The following ZNF540 variants were observed in gnomAD, a reference collection of about 807,000 sequenced individuals.
ZNF540 encodes zinc finger protein 540.
In ZNF540, 3 loss-of-function variants were observed where a neutral mutation model predicts 11.8. That is an observed-to-expected ratio of 0.25 (90% CI 0.12 to 0.65). The LOEUF is 0.65. ZNF540 is among the 30% of genes least tolerant of loss of function. The probability of loss-of-function intolerance (pLI) is 0.83; values close to 1 mark genes in which losing one functional copy is unlikely to be tolerated. For synonymous variants in ZNF540, 247 were observed against 259.0 expected, an observed-to-expected ratio of 0.95 and a Z score of 0.45; for missense variants, 709 against 793.1, an observed-to-expected ratio of 0.89 and a Z score of 1.27.
intron 1 of ZNF540, among the ~76,000 whole-genome samples, chr19:37,587,507 C>T (rs2043716491): frequency 6.6e-6 from 1 of 152,214 alleles, no homozygotes; most frequent in Admixed American, 6.5e-5. Context: ...GTGCGCACAG[C>T]ACGCCCCCTC....
At chr19:37,605,785 G>A (rs916589245) in intron 4 of ZNF540, among the ~76,000 whole-genome samples, 1 of 152,180 alleles carries the variant, frequency 6.6e-6, no homozygotes, top group Non-Finnish European at 1.5e-5. Context: ...ATGTGTAGGT[G>A]TATCTCATTG....
Position 37,594,932 on chromosome 19 carries a change from G to T in ZNF540, c.-236G>T, listed in dbSNP as rs752975234. The T allele has an allele frequency of 6.6e-6, 1 of 152,200 alleles. No homozygotes were observed. The highest frequency in any genetic ancestry group is 1.5e-5 in the Non-Finnish European group (1 of 68,062). 9.4% of individuals were successfully genotyped at this position (152,200 alleles called of 1,614,324 possible). On this transcript the variant is annotated 5_prime_UTR_variant, in exon 1 of 5. Coordinates refer to ENST00000316433, the MANE Select transcript of ZNF540 (RefSeq NM_001172225.3). The stretch of plus-strand genomic sequence containing the variant: ...AACGATCCCTGAGGCTCCCTTGCTC[G>T]AACTGTGGGACTTACCCTACTATGG...
rs758616164 is a variant in ZNF540, at chr19:37,586,674, C to T, written c.-72-11702C>T. On this transcript the variant is annotated intron_variant, in intron 1 of 4. Coordinates refer to the ZNF540 transcript ENST00000592533. ...GAAAGAAACAGCAACTCACGTGGGG[C>T]ATGGTTTTTTAGAACTGATCAATTT... 3.7e-6 allele frequency: 6 copies of T among 1,614,058 alleles called. No homozygotes were observed. The South Asian group carries it at 5.5e-5, about 15-fold the overall frequency.
chr19:37,575,348 G>A (rs747686311), intron 1 of ZNF540: 1 of 152,094 alleles, frequency 6.6e-6, no homozygotes. Context: ...ATTACAAACA[G>A]TGCTTAACCC....
At chr19:37,555,668 G>C (rs945389405) in intron 1 of ZNF540, 1 of 553,416 alleles carries the variant, frequency 1.8e-6, no homozygotes, top group African/African-American at 1.9e-5. Flanking sequence ...CTGGAACATA[G>C]GGTCACCTAG....
rs2044142638 is a variant in ZNF540, at chr19:37,612,759, G to A, written c.1479G>A (p.Lys493=). Residue 493 remains lysine (K), a synonymous_variant, in exon 5 of 5, where the codon AAG becomes AAA. Coordinates refer to ENST00000316433, the MANE Select transcript of ZNF540 (RefSeq NM_001172225.3). The part of the protein sequence containing the change: ...SLHKKIHTDV[K]PYKCVRCGKT... ...ATAAGAAAATTCATACTGATGTGAA[G>A]CCCTACAAATGTGTACGATGTGGGA... 6.2e-7 allele frequency: 1 copy of A among 1,614,002 alleles called. No homozygotes were observed. The highest frequency in any genetic ancestry group is 8.5e-7 in the Non-Finnish European group (1 of 1,179,976).
chr19:37,608,976 G>C (rs1473285118), intron 4 of ZNF540, among the ~76,000 whole-genome samples: 7 of 151,964 alleles, frequency 4.6e-5, no homozygotes, highest in Non-Finnish European at 8.8e-5. Context: ...TTCTTATTTA[G>C]ATTGCCACCC....
intron 1 of ZNF540, among the ~76,000 whole-genome samples, chr19:37,580,329 C>T (rs1442395077): frequency 6.6e-6 from 1 of 152,250 alleles, no homozygotes. Flanking sequence ...CTGCAGTCTT[C>T]ACCATCACAG....
chr19:37,596,071 G>C (rs567027485), intron 1 of ZNF540, among the ~76,000 whole-genome samples: 1 of 152,192 alleles, frequency 6.6e-6, no homozygotes, highest in East Asian at 1.9e-4. Flanking sequence ...CTTCAACTTA[G>C]TCTTCTCCAA....
chr19:37,560,956 A>C (rs1222695631), intron 1 of ZNF540: 3 of 150,108 alleles, frequency 2.0e-5, no homozygotes, highest in African/African-American at 7.4e-5. Context: ...TCATGTCTGT[A>C]ATCGCAGTAC....
chr19:37,601,303 A>G (rs890307071), intron 4 of ZNF540, 198 bp downstream of exon 4: 24 of 457,656 alleles, frequency 5.2e-5, no homozygotes, highest in Non-Finnish European at 7.3e-5. Context: ...CTTGGCTCCT[A>G]CTTACCACCT....
At chr19:37,552,114 A>G (rs2042612275) in intron 1 of ZNF540, among the ~76,000 whole-genome samples, 1 of 152,052 alleles carries the variant, frequency 6.6e-6, no homozygotes. Flanking sequence ...ATATGCTGTT[A>G]TTTTTGACTC....
At chr19:37,599,557 T>G in intron 2 of ZNF540, 69 bp from the exon 3 acceptor site, 1 of 1,596,790 alleles carries the variant, frequency 6.3e-7, no homozygotes, top group Non-Finnish European at 8.6e-7. Context: ...AAACCTTTTA[T>G]CTCCTTTTCT....
At chr19:37,586,788 G>A in intron 1 of ZNF540, 1 of 1,171,664 alleles carries the variant, frequency 8.5e-7, no homozygotes, top group Non-Finnish European at 1.2e-6. Flanking sequence ...TTGGCTCACA[G>A]CCCACAAAAT....
chr19:37,590,422 A>G (rs561619097), upstream of ZNF540, among the ~76,000 whole-genome samples: 109 of 137,846 alleles, frequency 7.9e-4, 1 homozygote, highest in African/African-American at 2.0e-3. Flanking sequence ...GTTTCAAAAA[A>G]AAGAAGAAGA....
chr19:37,601,055 GGAAA>G lies in ZNF540; in HGVS notation c.185_188del (p.Lys62SerfsTer9). 1 of 1,592,972 alleles carries G rather than the reference GGAAA, an allele frequency of 6.3e-7. No homozygotes were observed. The highest frequency in any genetic ancestry group is 8.5e-7 in the Non-Finnish European group (1 of 1,169,754). ...GATGTGATTACCTTACTGGAGCAAG[GGAAA>G]GAGCCCTGCGTGGTGGCGAGGGATG... On this transcript the variant is annotated frameshift_variant, in exon 4 of 5. Coordinates refer to ENST00000316433, the MANE Select transcript of ZNF540 (RefSeq NM_001172225.3). LOFTEE classifies it low-confidence loss of function (END_TRUNC).
At position 37,612,500 on chromosome 19, in the gene ZNF540, G is replaced by A; in HGVS notation, c.1220G>A (p.Gly407Asp). The A allele has an allele frequency of 6.2e-7, 1 of 1,614,136 alleles. No individual in the cohort carries two copies. Among genetic ancestry groups the A allele is most frequent in the Non-Finnish European group, 8.5e-7 (1 of 1,180,016 alleles). The change falls in exon 5 of 5, where the codon GGT becomes GAT. Residue 407 changes from glycine (G) to aspartate (D), a missense_variant. Coordinates refer to ENST00000316433, the MANE Select transcript of ZNF540 (RefSeq NM_001172225.3). ...AATCGGCATAAAACAATCCATACTG[G>A]TATAAAACCTTTTGCATGTAAGGTG... ...QLNRHKTIHT[G>D]IKPFACKVCE...
chr19:37,581,015 A>G (rs937904544), intron 1 of ZNF540, among the ~76,000 whole-genome samples: 3 of 152,234 alleles, frequency 2.0e-5, no homozygotes, highest in African/African-American at 4.8e-5. Context: ...AAACATCCAC[A>G]TAATTTTTTT....
At chr19:37,596,337 G>A (rs1304437297) in intron 1 of ZNF540, among the ~76,000 whole-genome samples, 1 of 152,174 alleles carries the variant, frequency 6.6e-6, no homozygotes, top group Non-Finnish European at 1.5e-5. Context: ...GGCTCTCACT[G>A]TCTCACCCAG....
Sources: gnomAD v4.1 joint callset for allele counts (sites outside exome capture counted in the v4.1 genomes callset) on GRCh38, gnomAD v4.1.1 for gene constraint, MANE v1.5 for transcripts, NCBI Gene and HGNC (gene_info 2026-07-23, HGNC 2026-07-21) for gene names.